Variants in ITIH5 observed in about 807,000 individuals in gnomAD.
ITIH5 encodes inter-alpha-trypsin inhibitor heavy chain 5.
In ITIH5, 65 loss-of-function variants were observed where a neutral mutation model predicts 77.5. The observed-to-expected ratio is 0.84, with a 90% CI of 0.69 to 1.03. ITIH5 has a LOEUF of 1.03. ITIH5 is among the 50% of genes least tolerant of loss of function. ITIH5 has a pLI of 0.00. For missense variants in ITIH5, 1,208 were observed against 1,213.1 expected, an observed-to-expected ratio of 1.00 and a Z score of 0.06; for synonymous variants, 525 against 494.3, an observed-to-expected ratio of 1.06 and a Z score of -0.82.
At chr10:7,596,485 A>G (rs1160441320) in intron 7 of ITIH5, among the ~76,000 whole-genome samples, 1 of 152,182 alleles carries the variant, frequency 6.6e-6, no homozygotes, top group East Asian at 1.9e-4. Context: ...ACCCTGACAC[A>G]AAAGGCTCTT....
In ITIH5 at chr10:7,573,193, G is replaced by A; in HGVS notation, c.1981C>T (p.Pro661Ser). Reference protein sequence around the residue: ...SVRGAGTQPGPLLKKPYQPRI... With the variant: ...SVRGAGTQPGSLLKKPYQPRI... ...GGCTGGTATGGCTTCTTGAGCAAAG[G>A]TCCTAAAAGGGAGAAGGAAGAGAAC... Residue 661 changes from proline to serine, a missense_variant and splice_region_variant, in exon 11 of 14, where the codon CCT becomes TCT. Physicochemically the swap from Pro to Ser is moderately conservative, Grantham distance 74 (BLOSUM62 -1). Coordinates refer to ENST00000397146, the MANE Select transcript of ITIH5 (RefSeq NM_030569.7). The A allele has an allele frequency of 6.2e-7, 1 of 1,612,474 alleles. No individual in the cohort carries two copies. The highest frequency in any genetic ancestry group is 8.5e-7 in the Non-Finnish European group (1 of 1,178,582).
In ITIH5 at chr10:7,637,056, GA is replaced by G. The variant is rs532595004; in HGVS notation, c.652+171del. 1.5e-4 allele frequency among the ~76,000 whole-genome samples: 23 copies of G among 152,068 alleles called. No individual in the cohort carries two copies. The South Asian group carries it at 4.6e-3, about 30-fold the overall frequency. ...CAGAGGACTTCGTCTCAAAAAAAAAGAAAAAAAGTACCAGTTGCTGTCTTAG... is the reference window on the plus strand; with the variant it reads ...CAGAGGACTTCGTCTCAAAAAAAAAGAAAAAAGTACCAGTTGCTGTCTTAG... On this transcript the variant is annotated intron_variant, in intron 5 of 13. Transcript: ENST00000397146.
chr10:7,579,682 C>A (rs779521417), intron 9 of ITIH5, 73 bp downstream of exon 9: 26 of 1,470,898 alleles, frequency 1.8e-5, no homozygotes, highest in Non-Finnish European at 2.1e-5. Flanking sequence ...ACACACTCCT[C>A]TCTGAATTCC....
rs780860199 is a variant in ITIH5, at chr10:7,637,383, C to G, written c.497G>C (p.Arg166Pro). ...FLSYEELLQR[R>P]LGKYEHSISV... ...GATGCTGTGCTCGTACTTGCCCAGG[C>G]GCCTCTGCAGAAGCTCCTCATAACT... The change falls in exon 5 of 14, where the codon CGC becomes CCC. Residue 166 changes from arginine to proline, a missense_variant. Coordinates refer to ENST00000397146, the MANE Select transcript of ITIH5 (RefSeq NM_030569.7). 2.5e-6 allele frequency: 4 copies of G among 1,614,228 alleles called. No homozygotes were observed. Among genetic ancestry groups the G allele is most frequent in the South Asian group, 1.1e-5 (1 of 91,084 alleles).
In ITIH5 at chr10:7,642,028, G is replaced by T. The variant is rs12241347; in HGVS notation, c.198C>A (p.Phe66Leu). The T allele has an allele frequency of 6.2e-7, 1 of 1,614,022 alleles. No individual in the cohort carries two copies. The highest frequency in any genetic ancestry group is 1.1e-5 in the South Asian group (1 of 91,076). Residue 66 changes from phenylalanine (F) to leucine (L), a missense_variant, in exon 3 of 14, where the codon TTC becomes TTA. Transcript: ENST00000397146. ...TCAGCATTCTGCAGGAAACCGTAGTGAAGGCATAACGGGAAATGATGGTAG... is the reference window on the plus strand; with the variant it reads ...TCAGCATTCTGCAGGAAACCGTAGTTAAGGCATAACGGGAAATGATGGTAG... ...VKSTIISRYA[F>L]TTVSCRMLNR...
At chr10:7,639,340 A>C (rs1255374454) in intron 4 of ITIH5, among the ~76,000 whole-genome samples, 4 of 152,234 alleles carry the variant, frequency 2.6e-5, no homozygotes, top group Non-Finnish European at 5.9e-5. Context: ...AAGCAGACTA[A>C]AGATTCTCTA....
At chr10:7,570,228 GCTT>G (rs1832270118) in intron 11 of ITIH5, 1 of 152,842 alleles carries the variant, frequency 6.5e-6, no homozygotes, top group African/African-American at 2.4e-5. Flanking sequence ...GATCTATGGT[GCTT>G]CTTCTCCCAG....
chr10:7,607,539 C>T (rs1021147392), intron 7 of ITIH5, among the ~76,000 whole-genome samples: 1 of 152,164 alleles, frequency 6.6e-6, no homozygotes, highest in Admixed American at 6.5e-5. Flanking sequence ...TTCAGCCTGG[C>T]GCTGTGGTTC....
chr10:7,640,841 T>A lies in ITIH5; in HGVS notation c.314A>T (p.Lys105Met). Residue 105 changes from lysine (K) to methionine (M), a missense_variant, in exon 4 of 14, where the codon AAG (lysine) becomes ATG (methionine). By Grantham distance (95) the Lys-to-Met change is moderately conservative. Transcript: ENST00000397146. ...CTCTGTAATTTCGCCCTGATACACC[T>A]TGTCTCCAATAAGCCTGAAATACAA... The part of the protein sequence containing the change: ...ITNFTMLIGD[K>M]VYQGEITERE... 6.2e-7 allele frequency: 1 copy of A among 1,611,200 alleles called. No individual in the cohort carries two copies. Among genetic ancestry groups the A allele is most frequent in the East Asian group, 2.2e-5 (1 of 44,856 alleles).
chr10:7,629,113 TAG>T (rs1404272922), intron 5 of ITIH5, among the ~76,000 whole-genome samples: 1 of 140,580 alleles, frequency 7.1e-6, no homozygotes, highest in East Asian at 2.0e-4. Flanking sequence ...GTCCATGTTG[TAG>T]AGTGTGTCCG....
intron 5 of ITIH5, chr10:7,619,308 G>T (rs983098109): frequency 2.6e-5 from 4 of 152,674 alleles, no homozygotes; most frequent in African/African-American, 9.6e-5. Flanking sequence ...TCAGAAACCT[G>T]CATTCAAATA....
intron 13 of ITIH5, 130 bp downstream of exon 13, chr10:7,565,900 T>G (rs549617283): frequency 1.6e-6 from 2 of 1,223,198 alleles, no homozygotes; most frequent in Non-Finnish European, 2.3e-6. Flanking sequence ...ATATGCGGAC[T>G]GTATATATAA....
intron 7 of ITIH5, among the ~76,000 whole-genome samples, chr10:7,595,882 C>A (rs1008269304): frequency 1.3e-5 from 2 of 152,104 alleles, no homozygotes; most frequent in South Asian, 4.2e-4. Context: ...GTGGCACGTG[C>A]CTGTAGTCCC....
At chr10:7,608,959 T>C (rs1833187597) in intron 7 of ITIH5, among the ~76,000 whole-genome samples, 1 of 152,168 alleles carries the variant, frequency 6.6e-6, no homozygotes, top group South Asian at 2.1e-4. Context: ...TTCACGTTAC[T>C]TGGTGACAAA....
At chr10:7,663,335 C>T (rs1307632584) in intron 1 of ITIH5, among the ~76,000 whole-genome samples, 3 of 152,208 alleles carry the variant, frequency 2.0e-5, no homozygotes, top group Admixed American at 6.5e-5. Flanking sequence ...GCTAATATTA[C>T]CTAAGTGTTT....
chr10:7,611,047 C>A (rs943379562), intron 7 of ITIH5, among the ~76,000 whole-genome samples: 15 of 152,246 alleles, frequency 9.9e-5, no homozygotes, highest in Admixed American at 9.8e-4. Context: ...TGTAAGACTG[C>A]CTTGACCTTG....
intron 9 of ITIH5, among the ~76,000 whole-genome samples, 180 bp downstream of exon 9, chr10:7,579,575 T>C (rs1343582053): frequency 6.6e-6 from 1 of 151,826 alleles, no homozygotes; most frequent in Non-Finnish European, 1.5e-5. Context: ...GGATCAGAAT[T>C]CGAACTCTGA....
At chr10:7,596,941 G>A (rs1348602375) in intron 7 of ITIH5, among the ~76,000 whole-genome samples, 1 of 149,728 alleles carries the variant, frequency 6.7e-6, no homozygotes, top group Non-Finnish European at 1.5e-5. Flanking sequence ...CAGCTACTCG[G>A]GAGGTGAGGC....
chr10:7,621,360 C>G (rs538518679), intron 5 of ITIH5: 1 of 152,214 alleles, frequency 6.6e-6, no homozygotes, highest in Non-Finnish European at 1.5e-5. Flanking sequence ...TATAATTTCT[C>G]TGTCCATCAT....
Sources: allele counts gnomAD v4.1 joint callset (sites outside exome capture counted in the v4.1 genomes callset), GRCh38; gene constraint gnomAD v4.1.1; transcripts MANE v1.5; gene names NCBI Gene and HGNC (gene_info 2026-07-23, HGNC 2026-07-21).